Variants in SPRYD3 observed in about 807,000 individuals in gnomAD.
SPRYD3 encodes the protein SPRY domain-containing protein 3.
SPRYD3 carries 17 observed loss-of-function variants against 50.1 expected under a neutral mutation model. The observed-to-expected ratio is 0.34, with a 90% CI of 0.23 to 0.51. The LOEUF is 0.51. SPRYD3 is among the 20% of genes least tolerant of loss of function. SPRYD3 has a pLI of 0.97. For synonymous variants in SPRYD3, 198 were observed against 215.5 expected (o/e 0.92, Z 0.71); for missense variants, 401 against 591.2 (o/e 0.68, Z 3.34).
At chr12:53,075,691 C>A in intron 3 of SPRYD3, 45 bp downstream of exon 3, 1 of 1,464,080 alleles carries the variant, frequency 6.8e-7, no homozygotes, top group Non-Finnish European at 9.6e-7. Context: ...AATGATCTCA[C>A]CCCCAAGCTC....
rs1199835566 is a variant in SPRYD3, at chr12:53,065,873, C to T, written c.1288G>A (p.Gly430Arg). 2.5e-6 allele frequency: 4 copies of T among 1,613,878 alleles called. No homozygotes were observed. Among genetic ancestry groups the T allele is most frequent in the South Asian group, 1.1e-5 (1 of 91,072 alleles). The change falls in exon 11 of 11, where the codon GGG becomes AGG. Residue 430 changes from glycine (G) to arginine (R), a missense_variant. By Grantham distance (125) the Gly-to-Arg change is moderately radical (BLOSUM62 -2). Coordinates refer to ENST00000301463, the MANE Select transcript of SPRYD3 (RefSeq NM_032840.3). ...FFPTIGMLSCGEKVKVDLHPL... is the reference protein window; with the variant it reads ...FFPTIGMLSCREKVKVDLHPL... Reference sequence around the variant, plus strand: ...TGCAGATCTACTTTGACTTTCTCCCCGCAGCTCAGCATTCCAATGGTGGGG... The same window carrying T: ...TGCAGATCTACTTTGACTTTCTCCCTGCAGCTCAGCATTCCAATGGTGGGG...
chr12:53,073,151 G>C, intron 6 of SPRYD3, 135 bp downstream of exon 6: 2 of 593,390 alleles, frequency 3.4e-6, no homozygotes, highest in South Asian at 4.2e-5. Flanking sequence ...AAGAGCCTAG[G>C]CTATCTTGCC....
At chr12:53,072,231 G>A (rs1312271826) in intron 6 of SPRYD3, among the ~76,000 whole-genome samples, 1 of 152,206 alleles carries the variant, frequency 6.6e-6, no homozygotes, top group Non-Finnish European at 1.5e-5. Flanking sequence ...AGGCCTCTTA[G>A]CTCTCGGTCG....
At chr12:53,072,204 C>T (rs1944554787) in intron 6 of SPRYD3, among the ~76,000 whole-genome samples, 1 of 152,062 alleles carries the variant, frequency 6.6e-6, no homozygotes, top group Non-Finnish European at 1.5e-5. Context: ...ACATGAGAGT[C>T]ACGGAGTGGG....
At chr12:53,071,006 C>G (rs1031758529) in intron 6 of SPRYD3, among the ~76,000 whole-genome samples, 1 of 152,118 alleles carries the variant, frequency 6.6e-6, no homozygotes, top group South Asian at 2.1e-4. Context: ...TGGACAGTCT[C>G]GTGCACTCCA....
chr12:53,070,709 T>G (rs893800548), intron 6 of SPRYD3, among the ~76,000 whole-genome samples: 5 of 152,152 alleles, frequency 3.3e-5, no homozygotes, highest in African/African-American at 9.7e-5. Context: ...TGGGGTTACG[T>G]TGGAATTGCC....
At chr12:53,071,816 A>G (rs1438589472) in intron 6 of SPRYD3, among the ~76,000 whole-genome samples, 1 of 151,886 alleles carries the variant, frequency 6.6e-6, no homozygotes, top group African/African-American at 2.4e-5. Context: ...CCCCAGAGGA[A>G]CGGGTGCCCC....
rs1174650624 is a variant in SPRYD3 at position 53,069,114 on chromosome 12, C to T, written c.694-810G>A. Among the ~76,000 whole-genome samples, 3 of 152,034 alleles carry T rather than the reference C, an allele frequency of 2.0e-5. No individual in the cohort carries two copies. The East Asian group carries it at 5.8e-4, about 29-fold the overall frequency. ...GTCCCACAATGGTCCTGCCTGGGCA[C>T]GACGGGGCGGCAACCCCCAATCTGG... On this transcript the variant is annotated intron_variant, in intron 6 of 10. Transcript: ENST00000301463.
intron 6 of SPRYD3, 30 bp downstream of exon 6, chr12:53,073,256 G>GGCCCCGGGGGGGGGGGGGGGC: frequency 1.4e-5 from 6 of 424,124 alleles, no homozygotes; most frequent in Non-Finnish European, 1.8e-5. Context: ...CTCCGACCCA[G>GGCCCCGGGGGGGGGGGGGGGC]CCCCTCCCAC....
chr12:53,067,713 AAGAAG>A lies in SPRYD3; in HGVS notation c.844-13_844-9del. On this transcript the variant is annotated splice_polypyrimidine_tract_variant and intron_variant, in intron 7 of 10. Coordinates refer to ENST00000301463, the MANE Select transcript of SPRYD3 (RefSeq NM_032840.3). Reference sequence around the variant, plus strand: ...CCTGTTCTTGGGATAGTCCTGCACCAAGAAGAGAAAAGAAAATCTATGGTCCCATG... The same window carrying A: ...CCTGTTCTTGGGATAGTCCTGCACCAAGAAAAGAAAATCTATGGTCCCATG... 1 of 1,613,320 alleles carries A rather than the reference AAGAAG, an allele frequency of 6.2e-7. No homozygotes were observed.
In SPRYD3 at chr12:53,077,110, C is replaced by T. The variant is rs1459619394; in HGVS notation, c.170+5G>A. ...GAAAATGTGGAAGCATTCTCCTGAA[C>T]TCACCTTAAAGTATCTCCATCTACA... is the stretch of plus-strand genomic sequence containing the variant. On this transcript the variant is annotated splice_donor_5th_base_variant and intron_variant, in intron 2 of 10. Coordinates refer to ENST00000301463, the MANE Select transcript of SPRYD3 (RefSeq NM_032840.3). 2 of 1,613,728 alleles carry T rather than the reference C, an allele frequency of 1.2e-6. No homozygotes were observed. Among genetic ancestry groups the T allele is most frequent in the Non-Finnish European group, 1.7e-6 (2 of 1,179,826 alleles).
intron 6 of SPRYD3, among the ~76,000 whole-genome samples, chr12:53,068,587 G>T (rs79744830): frequency 6.6e-6 from 1 of 152,158 alleles, no homozygotes; most frequent in Admixed American, 6.5e-5. Context: ...CTAGGGGAGC[G>T]GCACACCAGG....
Position 53,079,355 on chromosome 12 carries a change from A to C in SPRYD3, c.-22T>G, listed in dbSNP as rs1944615836. ...TCATCCATAGGCCTCTCAGCTCCGC[A>C]CACAAGCTCTTCGGCCGCCGCCACC... is the stretch of plus-strand genomic sequence containing the variant. On this transcript the variant is annotated 5_prime_UTR_variant, in exon 1 of 11. Coordinates refer to ENST00000301463, the MANE Select transcript of SPRYD3 (RefSeq NM_032840.3). 1 of 1,603,650 alleles carries C rather than the reference A, an allele frequency of 6.2e-7. No homozygotes were observed. The highest frequency in any genetic ancestry group is 8.5e-7 in the Non-Finnish European group (1 of 1,175,608).
intron 3 of SPRYD3, 31 bp downstream of exon 3, chr12:53,075,705 C>A (rs1944583002): frequency 1.3e-6 from 2 of 1,579,522 alleles, no homozygotes; most frequent in African/African-American, 1.3e-5. Context: ...CAAGCTCACC[C>A]CCTGCTCTGC....
intron 6 of SPRYD3, among the ~76,000 whole-genome samples, chr12:53,069,916 G>A (rs993237971): frequency 6.6e-6 from 1 of 152,104 alleles, no homozygotes; most frequent in Admixed American, 6.5e-5. Context: ...CTCGGTGTAG[G>A]AAACACAGTG....
At chr12:53,073,845 A>C (rs1258670298) in intron 5 of SPRYD3, among the ~76,000 whole-genome samples, 1 of 146,418 alleles carries the variant, frequency 6.8e-6, no homozygotes, top group Non-Finnish European at 1.5e-5. Flanking sequence ...CTCCATTTCA[A>C]AAAAAAAAAA....
Position 53,071,753 on chromosome 12 carries a change from T to G in SPRYD3, c.693+1533A>C, listed in dbSNP as rs1592265434. ...AAAAAAAAAAAAAAAAAAGGAAAGT[T>G]GGCATGACTGGAAAAAGGCACATGT... On this transcript the variant is annotated intron_variant, in intron 6 of 10. Transcript: ENST00000301463. Among the ~76,000 whole-genome samples, 7 of 146,502 alleles carry G rather than the reference T, an allele frequency of 4.8e-5. 1 individual carries two copies. In the South Asian group the frequency reaches 1.5e-3, roughly 32 times the overall value.
At chr12:53,078,214 C>A in intron 1 of SPRYD3, 1 of 381,784 alleles carries the variant, frequency 2.6e-6, no homozygotes, top group Non-Finnish European at 5.4e-6. Flanking sequence ...TGATCCTGGG[C>A]CTGGTGGCTC....
In SPRYD3 at chr12:53,068,238, G is replaced by A; in HGVS notation, c.760C>T (p.Leu254Phe). 1 of 1,614,228 alleles carries A rather than the reference G, an allele frequency of 6.2e-7. No individual in the cohort carries two copies. The highest frequency in any genetic ancestry group is 8.5e-7 in the Non-Finnish European group (1 of 1,180,036). The change falls in exon 7 of 11, where the codon CTC (leucine) becomes TTC (phenylalanine). Residue 254 changes from leucine (L) to phenylalanine (F), a missense_variant. Leu to Phe is a conservative substitution (Grantham distance 22). Coordinates refer to ENST00000301463, the MANE Select transcript of SPRYD3 (RefSeq NM_032840.3). ...TCGAAGTAGTGGCTGCGGGTGCTGA[G>A]TGGGTGCCGGGCCTGGGCCAGCCCC... ...DVGLAQARHP[L>F]STRSHYFEVE...
Sources: gnomAD v4.1 joint callset for allele counts (sites outside exome capture counted in the v4.1 genomes callset) on GRCh38, gnomAD v4.1.1 for gene constraint, MANE v1.5 for transcripts, NCBI Gene and HGNC (gene_info 2026-07-23, HGNC 2026-07-21) for gene names.